The following ZNF141 variants were observed in gnomAD, a reference collection of about 807,000 sequenced individuals.
ZNF141 encodes zinc finger protein 141 (clone pHZ-44).
A neutral mutation model predicts 11.3 loss-of-function variants in ZNF141; 7 were observed. That is an observed-to-expected ratio of 0.62 (90% confidence interval 0.35 to 1.16). ZNF141 has a LOEUF of 1.16. Among genes scored for constraint, ZNF141 ranks in the 50% most tolerant of loss-of-function variants. ZNF141 has a pLI of 0.02. For missense variants in ZNF141, 535 were observed against 554.0 expected (o/e 0.97, Z 0.34); for synonymous variants, 183 against 190.7 (o/e 0.96, Z 0.33).
chr4:343,644 G>C, intron 1 of ZNF141, 138 bp from the exon 2 acceptor site: 1 of 1,005,370 alleles, frequency 9.9e-7, no homozygotes, highest in Non-Finnish European at 1.3e-6. Context: ...AGAATGGTGT[G>C]AACCTGGGAG....
At chr4:338,467 GGT>G (rs2108677965) in intron 1 of ZNF141, 1 of 164,498 alleles carries the variant, frequency 6.1e-6, no homozygotes, top group South Asian at 1.4e-4. Flanking sequence ...GCTTTTGTGA[GGT>G]GTGTGAGGAA....
chr4:358,783 C>G (rs1043291514), intron 3 of ZNF141, among the ~76,000 whole-genome samples: 2 of 151,842 alleles, frequency 1.3e-5, no homozygotes, highest in Non-Finnish European at 2.9e-5. Context: ...ACCATGTTGG[C>G]CAGGATGGTC....
intron 3 of ZNF141, among the ~76,000 whole-genome samples, chr4:347,161 C>T (rs1283769492): frequency 6.6e-6 from 1 of 151,026 alleles, no homozygotes; most frequent in Non-Finnish European, 1.5e-5. Flanking sequence ...CCTCAGCCTC[C>T]GAAGTAGCTG....
chr4:351,437 G>T (rs539984117), intron 3 of ZNF141, among the ~76,000 whole-genome samples: 69 of 151,970 alleles, frequency 4.5e-4, no homozygotes, highest in African/African-American at 1.5e-3. Context: ...GTTTTACCAT[G>T]TTAGCCAGGT....
Position 378,462 on chromosome 4 carries a change from G to T in ZNF141, c.*4600G>T, listed in dbSNP as rs946227487. On this transcript the variant is annotated 3_prime_UTR_variant, in exon 4 of 4. Transcript: ENST00000240499. ...TTTTTATATTTTTAGTAGAGATGGG[G>T]TTTCACCATGTTGGCCAGGATGGTC... Among the ~76,000 whole-genome samples, 8 of 151,970 alleles carry T rather than the reference G, an allele frequency of 5.3e-5. No individual in the cohort carries two copies. Among genetic ancestry groups the T allele is most frequent in the African/African-American group, 1.5e-4 (6 of 41,376 alleles).
chr4:337,866 C>A lies in ZNF141; in HGVS notation c.-118C>A. On this transcript the variant is annotated 5_prime_UTR_variant, in exon 1 of 4. Transcript: ENST00000240499. ...GCGGGTTAGGGGCTTCATCTCTCTG[C>A]GTTCTCAGTTGTGGGAGGCCTTGGT... The A allele has an allele frequency of 7.3e-7, 1 of 1,362,226 alleles. No homozygotes were observed. Among genetic ancestry groups the A allele is most frequent in the Non-Finnish European group, 1.0e-6 (1 of 967,348 alleles). The allele number at this position is 1,362,226 out of a possible 1,614,324, so 84.4% of individuals were successfully genotyped here.
intron 3 of ZNF141, among the ~76,000 whole-genome samples, chr4:344,881 T>C (rs545063746): frequency 6.6e-6 from 1 of 152,326 alleles, no homozygotes; most frequent in East Asian, 1.9e-4. Context: ...GCATTTTTTC[T>C]CATGTTCACA....
chr4:358,254 C>T (rs1293872011), intron 3 of ZNF141: 7 of 373,472 alleles, frequency 1.9e-5, no homozygotes, highest in Middle Eastern at 9.7e-4. Context: ...ATGGCACGAT[C>T]TTGGCTGACT....
In ZNF141 at chr4:374,366, A is replaced by G. The variant is rs1454778349; in HGVS notation, c.*504A>G. 2.8e-6 allele frequency: 1 copy of G among 357,896 alleles called. No homozygotes were observed. The highest frequency in any genetic ancestry group is 7.4e-5 in the East Asian group (1 of 13,450). The allele number at this position is 357,896 out of a possible 1,614,324, so 22.2% of individuals were successfully genotyped here. A position where few individuals can be genotyped will look rare whatever the true frequency, so the allele number is the denominator to read the frequency against. On this transcript the variant is annotated 3_prime_UTR_variant, in exon 4 of 4. Transcript: ENST00000240499. ...GTAAGTGAATTCATGCTGGAGCAAAATGCTTCACATGCGAAGAATGTGGCA... is the reference window on the plus strand; with the variant it reads ...GTAAGTGAATTCATGCTGGAGCAAAGTGCTTCACATGCGAAGAATGTGGCA...
rs1581634564 is a variant in ZNF141 at position 378,801 on chromosome 4, A to G, written c.*4939A>G. On this transcript the variant is annotated 3_prime_UTR_variant, in exon 4 of 4. Coordinates refer to ENST00000240499, the MANE Select transcript of ZNF141 (RefSeq NM_003441.4). ...TTCTCTGGAAAAAAATTTGAAGATTATGGCAGCTGTTGAATCCAAACAGTT... is the reference window on the plus strand; with the variant it reads ...TTCTCTGGAAAAAAATTTGAAGATTGTGGCAGCTGTTGAATCCAAACAGTT... Among the ~76,000 whole-genome samples the G allele has an allele frequency of 7.7e-6, 1 of 129,114 alleles. No homozygotes were observed. Among genetic ancestry groups the G allele is most frequent in the Middle Eastern group, 3.9e-3 (1 of 256 alleles). The allele number at this position is 129,114 out of a possible 152,430, so 84.7% of individuals were successfully genotyped here. A position where few individuals can be genotyped will look rare whatever the true frequency, so the allele number is the denominator to read the frequency against.
intron 3 of ZNF141, among the ~76,000 whole-genome samples, chr4:350,804 A>C (rs1721558216): frequency 6.6e-6 from 1 of 151,900 alleles, no homozygotes; most frequent in Admixed American, 6.6e-5. Context: ...CAGTGGCATG[A>C]TCTCGGCTCA....
chr4:384,069 G>C lies in ZNF141; in HGVS notation c.*10207G>C, dbSNP rs1278286190. 6.6e-6 allele frequency: 1 copy of C among 152,142 alleles called. No homozygotes were observed. The highest frequency in any genetic ancestry group is 2.4e-5 in the African/African-American group (1 of 41,398). The allele number at this position is 152,142 out of a possible 1,614,324, so 9.4% of individuals were successfully genotyped here. A position where few individuals can be genotyped will look rare whatever the true frequency, so the allele number is the denominator to read the frequency against. On this transcript the variant is annotated 3_prime_UTR_variant, in exon 4 of 4. Transcript: ENST00000240499. ...GTTCACACTCACGGCCTTCCTTCTG[G>C]TAACAGAAGTGCAGGTATATGTGGA...
intron 3 of ZNF141, among the ~76,000 whole-genome samples, chr4:355,736 A>G (rs782460879): frequency 2.0e-5 from 3 of 152,140 alleles, no homozygotes; most frequent in Non-Finnish European, 4.4e-5. Flanking sequence ...ACAATATTCT[A>G]GGGTTGGTAA....
chr4:344,027 A>G (rs1324891643), intron 2 of ZNF141, 119 bp downstream of exon 2: 45 of 1,366,578 alleles, frequency 3.3e-5, no homozygotes, highest in Non-Finnish European at 4.2e-5. Flanking sequence ...TCTTTTCTTG[A>G]GCTAATTTGA....
rs145142050 is a variant in ZNF141, at chr4:351,319, C to T, written c.226+6889C>T. ...CGCGATCTCGGCTCACTGCAATGTC[C>T]GCCTCCCAGGTTCAACTTATTCTCC... is the stretch of plus-strand genomic sequence containing the variant. On this transcript the variant is annotated intron_variant, in intron 3 of 3. Transcript: ENST00000240499. Among the ~76,000 whole-genome samples, 1,070 of 151,592 alleles carry T rather than the reference C, an allele frequency of 7.1e-3. 2 individuals are homozygous for T. Among genetic ancestry groups the T allele is most frequent in the Non-Finnish European group, 0.011 (755 of 67,888 alleles).
intron 3 of ZNF141, among the ~76,000 whole-genome samples, chr4:371,900 C>A (rs1451170124): frequency 6.6e-6 from 1 of 152,132 alleles, no homozygotes; most frequent in Non-Finnish European, 1.5e-5. Flanking sequence ...TATACATTGT[C>A]ATGTTTGGTT....
At chr4:343,664 G>T in intron 1 of ZNF141, 118 bp from the exon 2 acceptor site, 2 of 1,176,082 alleles carry the variant, frequency 1.7e-6, no homozygotes, top group East Asian at 3.3e-5. Flanking sequence ...GGCGGAGCTT[G>T]CAGTGAGCCG....
chr4:348,128 G>A (rs961638305), intron 3 of ZNF141, among the ~76,000 whole-genome samples: 3 of 152,122 alleles, frequency 2.0e-5, no homozygotes, highest in African/African-American at 7.2e-5. Context: ...ACAGGCCTGA[G>A]CCACCACACC....
At chr4:360,420 C>T (rs192706627) in intron 3 of ZNF141, among the ~76,000 whole-genome samples, 26 of 152,206 alleles carry the variant, frequency 1.7e-4, no homozygotes, top group Non-Finnish European at 2.8e-4. Context: ...TTTATTGCGG[C>T]GCATGGCATG....
Sources: gnomAD v4.1 joint callset for allele counts (sites outside exome capture counted in the v4.1 genomes callset) on GRCh38, gnomAD v4.1.1 for gene constraint, MANE v1.5 for transcripts, NCBI Gene and HGNC (gene_info 2026-07-23, HGNC 2026-07-21) for gene names.